The following LYPD6B variants were observed in gnomAD, a reference collection of about 807,000 sequenced individuals.
LYPD6B encodes the protein ly6/PLAUR domain-containing protein 6B.
LYPD6B carries 17 observed loss-of-function variants against 22.8 expected under a neutral mutation model. That is an observed-to-expected ratio of 0.75 (90% CI 0.51 to 1.12). The LOEUF is 1.12. LYPD6B is among the 50% of genes most tolerant of loss of function. The pLI, the probability that LYPD6B is intolerant of heterozygous loss-of-function variation, is 0.00. For missense variants in LYPD6B, 221 were observed against 258.3 expected (o/e 0.86, Z 0.99); for synonymous variants, 106 against 91.6 (o/e 1.16, Z -0.90).
intron 1 of LYPD6B, among the ~76,000 whole-genome samples, chr2:149,129,023 C>T (rs1217634459): frequency 6.6e-6 from 1 of 152,254 alleles, no homozygotes. Flanking sequence ...TGATGAGTAA[C>T]CCGTGATTGC....
intron 1 of LYPD6B, among the ~76,000 whole-genome samples, chr2:149,113,797 C>T (rs1686872295): frequency 6.6e-6 from 1 of 152,138 alleles, no homozygotes; most frequent in African/African-American, 2.4e-5. Context: ...CTGACTACCA[C>T]AAAAACTGAG....
At chr2:149,102,429 G>A (rs530190541) in intron 1 of LYPD6B, among the ~76,000 whole-genome samples, 1 of 152,142 alleles carries the variant, frequency 6.6e-6, no homozygotes, top group Non-Finnish European at 1.5e-5. Context: ...TACTGTTGTT[G>A]GAGGGATTTG....
chr2:149,206,790 G>T (rs189891515), intron 4 of LYPD6B, among the ~76,000 whole-genome samples: 7 of 152,006 alleles, frequency 4.6e-5, no homozygotes, highest in Admixed American at 4.6e-4. Context: ...TACAAATGTA[G>T]TTTACACAGT....
At chr2:149,129,462 A>G (rs1419563450) in intron 1 of LYPD6B, among the ~76,000 whole-genome samples, 1 of 152,194 alleles carries the variant, frequency 6.6e-6, no homozygotes, top group Non-Finnish European at 1.5e-5. Flanking sequence ...CAAACTCTCT[A>G]TCTGAAAATC....
At chr2:149,091,829 T>C (rs1456535875) in intron 1 of LYPD6B, among the ~76,000 whole-genome samples, 1 of 152,182 alleles carries the variant, frequency 6.6e-6, no homozygotes, top group Non-Finnish European at 1.5e-5. Flanking sequence ...GAAGAGAAAG[T>C]GGCATAAAAG....
In LYPD6B at chr2:149,213,080, T is replaced by C. The variant is rs1432855871; in HGVS notation, c.417T>C (p.Cys139=). 2 of 1,613,876 alleles carry C rather than the reference T, an allele frequency of 1.2e-6. No homozygotes were observed. The highest frequency in any genetic ancestry group is 1.3e-5 in the African/African-American group (1 of 74,928). The change falls in exon 6 of 7, where the codon TGT becomes TGC. Residue 139 remains cysteine, a synonymous_variant. Coordinates refer to ENST00000409642, the MANE Select transcript of LYPD6B (RefSeq NM_177964.5). ...AAAAGTGTGCCTCCAGAAGTGAATG[T>C]CATTTTGTCGGTTGCCACCACAGCC... The part of the protein sequence containing the change: ...ITKKCASRSE[C]HFVGCHHSRD...
intron 1 of LYPD6B, among the ~76,000 whole-genome samples, chr2:149,062,801 T>C (rs527460640): frequency 6.6e-6 from 1 of 151,850 alleles, no homozygotes; most frequent in East Asian, 1.9e-4. Flanking sequence ...GGCAAAAATC[T>C]GTCTGTATTA....
chr2:149,067,901 G>T (rs1000074463), intron 1 of LYPD6B, among the ~76,000 whole-genome samples: 1 of 152,168 alleles, frequency 6.6e-6, no homozygotes, highest in Non-Finnish European at 1.5e-5. Flanking sequence ...GGGTAGAAAA[G>T]CTTTTGCTTT....
intron 1 of LYPD6B, among the ~76,000 whole-genome samples, chr2:149,120,411 G>C (rs1232464892): frequency 5.9e-5 from 5 of 84,452 alleles, no homozygotes; most frequent in African/African-American, 2.5e-4. Context: ...TTGAGATGGA[G>C]TCTTGCTATC....
intron 1 of LYPD6B, among the ~76,000 whole-genome samples, chr2:149,074,268 GCACACA>G (rs60123351): frequency 0.016 from 2,437 of 150,452 alleles, 55 homozygotes; most frequent in African/African-American, 0.056. Flanking sequence ...ACGCATGCAT[GCACACA>G]CACACACACA....
rs1020867833 is a variant in LYPD6B, at chr2:149,143,465, C to T, written c.5+12512C>T. Among the ~76,000 whole-genome samples the T allele has an allele frequency of 2.0e-5, 3 of 148,602 alleles. No homozygotes were observed. In the East Asian group the frequency reaches 5.9e-4, roughly 29 times the overall value. ...AGACTACGCCATGTTTTTACTATAC[C>T]GTTTGAAAAGTTTAGAAATTTGTGT... On this transcript the variant is annotated intron_variant, in intron 2 of 6. Transcript: ENST00000409642.
intron 2 of LYPD6B, among the ~76,000 whole-genome samples, chr2:149,154,381 C>T (rs1001393496): frequency 1.3e-5 from 2 of 152,140 alleles, no homozygotes; most frequent in Admixed American, 6.5e-5. Context: ...TGGAACACAC[C>T]TTCCTCAGAG....
In LYPD6B at chr2:149,124,116, A is replaced by G. The variant is rs182000674; in HGVS notation, c.-66-6767A>G. ...GCATACTGAACTCTCATAGATATTT[A>G]CTCACTCATTTTCTGAAGTACTAAT... On this transcript the variant is annotated intron_variant, in intron 1 of 6. Transcript: ENST00000409642. Among the ~76,000 whole-genome samples the G allele has an allele frequency of 3.4e-3, 525 of 152,228 alleles. 2 individuals are homozygous for G. Among genetic ancestry groups the G allele is most frequent in the Non-Finnish European group, 6.2e-3 (422 of 68,014 alleles).
chr2:149,073,055 G>T (rs1035161639), intron 1 of LYPD6B, among the ~76,000 whole-genome samples: 7 of 152,194 alleles, frequency 4.6e-5, no homozygotes, highest in Non-Finnish European at 1.0e-4. Flanking sequence ...AGGGGGAATG[G>T]TAAGAGGTGA....
rs1389898830 is a variant in LYPD6B, at chr2:149,120,377, A to T, written c.-66-10506A>T. Among the ~76,000 whole-genome samples the T allele has an allele frequency of 6.4e-3, 276 of 43,120 alleles. 13 individuals are homozygous for T. Among genetic ancestry groups the T allele is most frequent in the African/African-American group, 0.02 (146 of 7,190 alleles). The allele number at this position is 43,120 out of a possible 152,430, so 28.3% of individuals were successfully genotyped here. On this transcript the variant is annotated intron_variant, in intron 1 of 6. Transcript: ENST00000409642. ...TGTGTGTGTGTATATATATATATAT[A>T]TATATATTTTTTTTTTTTTTTTTTT...
At chr2:149,043,021 T>C (rs2105252190) in intron 1 of LYPD6B, among the ~76,000 whole-genome samples, 1 of 152,316 alleles carries the variant, frequency 6.6e-6, no homozygotes, top group Middle Eastern at 3.4e-3. Flanking sequence ...GAGAAATAAA[T>C]GTAGAAACAT....
intron 2 of LYPD6B, among the ~76,000 whole-genome samples, chr2:149,146,905 C>T (rs1393535212): frequency 6.6e-6 from 1 of 152,160 alleles, no homozygotes; most frequent in African/African-American, 2.4e-5. Flanking sequence ...TATTTCTTCA[C>T]AACACTGTCA....
At chr2:149,154,051 G>T in intron 2 of LYPD6B, 1 of 972,460 alleles carries the variant, frequency 1.0e-6, no homozygotes, top group Non-Finnish European at 1.2e-6. Flanking sequence ...TGGGGAAGAA[G>T]ATGGAGTTTT....
At position 149,073,614 on chromosome 2, in the gene LYPD6B, T is replaced by C. The variant is rs1163886542; in HGVS notation, c.-67+34813T>C. On this transcript the variant is annotated intron_variant, in intron 1 of 6. Coordinates refer to ENST00000409642, the MANE Select transcript of LYPD6B (RefSeq NM_177964.5). ...ATCCGTTGTGCTGCTGAGGCCCCCT[T>C]TTCTTCCACTCGGTGCTTTTGCTTA... is the stretch of plus-strand genomic sequence containing the variant. Among the ~76,000 whole-genome samples, 4 of 152,000 alleles carry C rather than the reference T, an allele frequency of 2.6e-5. 1 individual carries two copies. The highest frequency in any genetic ancestry group is 2.6e-4 in the Admixed American group (4 of 15,248).
Sources: allele counts gnomAD v4.1 joint callset (sites outside exome capture counted in the v4.1 genomes callset), GRCh38; gene constraint gnomAD v4.1.1; transcripts MANE v1.5; gene names NCBI Gene and HGNC (gene_info 2026-07-23, HGNC 2026-07-21).